Variants in GTF3C5 observed in about 807,000 individuals in gnomAD.
GTF3C5 encodes general transcription factor IIIC subunit 5, also known as general transcription factor 3C polypeptide 5.
Under a neutral mutation model 61.0 loss-of-function variants are expected in GTF3C5, and 47 were observed. That is an observed-to-expected ratio of 0.77 (90% CI 0.61 to 0.98). GTF3C5 has a LOEUF of 0.98. GTF3C5 is among the 50% of genes least tolerant of loss of function. The probability of loss-of-function intolerance (pLI) is 0.00; values close to 1 mark genes in which losing one functional copy is unlikely to be tolerated. For synonymous variants in GTF3C5, 295 were observed against 275.4 expected (o/e 1.07, Z -0.71); for missense variants, 659 against 703.3 (o/e 0.94, Z 0.71).
In GTF3C5 at chr9:133,057,890, T is replaced by TGAG. The variant is rs759048355; in HGVS notation, c.1482_1484dup (p.Glu499dup). On this transcript the variant is annotated inframe_insertion, in exon 11 of 11. Coordinates refer to ENST00000372097, the MANE Select transcript of GTF3C5 (RefSeq NM_012087.4). ...ACGAGTCTGGGGAAGACGAGGAGGA[T>TGAG]GAGGAGGAGGAGGAAGAGGAGGAGG... The TGAG allele has an allele frequency of 8.7e-6, 14 of 1,612,546 alleles. No homozygotes were observed. The African/African-American group carries it at 1.3e-4, about 15-fold the overall frequency.
chr9:133,044,132 G>T, intron 3 of GTF3C5: 11 of 181,962 alleles, frequency 6.0e-5, no homozygotes, highest in Middle Eastern at 1.9e-3. Context: ...GTGACAGAGT[G>T]AGACTTTGTC....
chr9:133,042,404 G>A (rs996503541), intron 2 of GTF3C5, 98 bp downstream of exon 2: 3 of 798,544 alleles, frequency 3.8e-6, no homozygotes, highest in African/African-American at 3.4e-5. Flanking sequence ...AGTGGAGGGG[G>A]CCAGGATATG....
chr9:133,048,928 G>A (rs971131912), intron 3 of GTF3C5, among the ~76,000 whole-genome samples: 1 of 152,196 alleles, frequency 6.6e-6, no homozygotes, highest in South Asian at 2.1e-4. Flanking sequence ...TCACGTTGCT[G>A]GGTGCATGAG....
At chr9:133,051,806 T>C (rs1412336482) in intron 4 of GTF3C5, among the ~76,000 whole-genome samples, 1 of 152,224 alleles carries the variant, frequency 6.6e-6, no homozygotes, top group Non-Finnish European at 1.5e-5. Context: ...ACAGCGACCA[T>C]GTCTCTTATC....
chr9:133,055,594 C>G, intron 8 of GTF3C5: 1 of 985,452 alleles, frequency 1.0e-6, no homozygotes, highest in African/African-American at 1.7e-5. Flanking sequence ...TCACTAAGCC[C>G]TGCTTTTCCC....
At chr9:133,040,274 A>G (rs1380580267) in intron 1 of GTF3C5, among the ~76,000 whole-genome samples, 1 of 152,178 alleles carries the variant, frequency 6.6e-6, no homozygotes, top group Non-Finnish European at 1.5e-5. Context: ...CTCTCCCGAG[A>G]TAGTTCCTGA....
chr9:133,054,184 T>C lies in GTF3C5; in HGVS notation c.989-224T>C, dbSNP rs1228857431. Among the ~76,000 whole-genome samples the C allele has an allele frequency of 3.3e-5, 5 of 152,224 alleles. No individual in the cohort carries two copies. The East Asian group carries it at 9.6e-4, about 29-fold the overall frequency. On this transcript the variant is annotated intron_variant, in intron 6 of 10. Transcript: ENST00000372097. ...CCTCATTAAGTGACTCCACGTGCCC[T>C]ATGGTCCTGTGATGCAGGCCAGGCA... is the stretch of plus-strand genomic sequence containing the variant.
chr9:133,047,525 T>C (rs921810886), intron 3 of GTF3C5, among the ~76,000 whole-genome samples: 8 of 133,388 alleles, frequency 6.0e-5, no homozygotes, highest in African/African-American at 2.5e-4. Context: ...TGATCCTTCC[T>C]TTTTTTTTTT....
At chr9:133,034,170 C>G (rs958565521) in intron 1 of GTF3C5, among the ~76,000 whole-genome samples, 1 of 152,048 alleles carries the variant, frequency 6.6e-6, no homozygotes, top group African/African-American at 2.4e-5. Context: ...TGGAGTGGAG[C>G]GATGGATAAG....
rs1487697661 is a variant in GTF3C5, at chr9:133,056,103, G to A, written c.1250+9G>A. 4.3e-6 allele frequency: 7 copies of A among 1,612,746 alleles called. No homozygotes were observed. In the Admixed American group the frequency reaches 1.0e-4, roughly 23 times the overall value. ...GACTTGAATGTGGAAGAGTACGTAT[G>A]GGAGGGGCCCTGAGACACTGAGGGG... On this transcript the variant is annotated intron_variant, in intron 9 of 10. Coordinates refer to ENST00000372097, the MANE Select transcript of GTF3C5 (RefSeq NM_012087.4).
intron 1 of GTF3C5, among the ~76,000 whole-genome samples, 199 bp from the exon 2 acceptor site, chr9:133,041,888 T>G (rs1183992952): frequency 6.6e-6 from 1 of 152,168 alleles, no homozygotes; most frequent in Non-Finnish European, 1.5e-5. Flanking sequence ...AGGAGACGAT[T>G]CTCATTTTTT....
chr9:133,057,455 C>T (rs1157182449), intron 10 of GTF3C5, among the ~76,000 whole-genome samples: 5 of 152,208 alleles, frequency 3.3e-5, no homozygotes, highest in Non-Finnish European at 5.9e-5. Context: ...GACCCAGCCA[C>T]GCCCCACAGA....
In GTF3C5 at chr9:133,056,095, G is replaced by A. The variant is rs1321889850; in HGVS notation, c.1250+1G>A. 4 of 1,613,500 alleles carry A rather than the reference G, an allele frequency of 2.5e-6. No individual in the cohort carries two copies. Among genetic ancestry groups the A allele is most frequent in the Non-Finnish European group, 8.5e-7 (1 of 1,179,496 alleles). ...AGTTATGCGACTTGAATGTGGAAGA[G>A]TACGTATGGGAGGGGCCCTGAGACA... is the stretch of plus-strand genomic sequence containing the variant. On this transcript the variant is annotated splice_donor_variant, in intron 9 of 10. Transcript: ENST00000372097. LOFTEE classifies it high-confidence loss of function.
At chr9:133,050,106 A>G (rs1850324603) in intron 3 of GTF3C5, among the ~76,000 whole-genome samples, 1 of 151,382 alleles carries the variant, frequency 6.6e-6, no homozygotes, top group South Asian at 2.1e-4. Context: ...TGAGCCAAAG[A>G]GTCATGCTCT....
intron 5 of GTF3C5, among the ~76,000 whole-genome samples, chr9:133,052,558 G>A (rs1048675939): frequency 2.6e-5 from 4 of 152,150 alleles, no homozygotes; most frequent in Non-Finnish European, 5.9e-5. Context: ...TCCTCTACCT[G>A]TGTTGAGTGG....
rs989498919 is a variant in GTF3C5 at position 133,058,147 on chromosome 9, G to A, written c.*167G>A. ...TGCAGCTGACCCTAGCACTGGCTGT[G>A]ACATGCTGCTTGGTGCTGCCTCTGG... On this transcript the variant is annotated 3_prime_UTR_variant, in exon 11 of 11. Transcript: ENST00000372097. 4 of 1,452,214 alleles carry A rather than the reference G, an allele frequency of 2.8e-6. No individual in the cohort carries two copies. The South Asian group carries it at 5.7e-5, about 21-fold the overall frequency. The allele number at this position is 1,452,214 out of a possible 1,614,324, so 90.0% of individuals were successfully genotyped here.
chr9:133,036,175 G>A lies in GTF3C5; in HGVS notation c.153+5011G>A, dbSNP rs146481682. ...GTTTGAAAGGGGTCTCCCTTACATC[G>A]GGCCTGAATCTAAACACTCATGCTC... is the stretch of plus-strand genomic sequence containing the variant. On this transcript the variant is annotated intron_variant, in intron 1 of 10. Transcript: ENST00000372097. Among the ~76,000 whole-genome samples, 21 of 152,224 alleles carry A rather than the reference G, an allele frequency of 1.4e-4. No homozygotes were observed. In the East Asian group the frequency reaches 3.3e-3, roughly 24 times the overall value.
rs777628881 is a variant in GTF3C5 at position 133,053,948 on chromosome 9, A to G, written c.988+6A>G. 6.5e-7 allele frequency: 1 copy of G among 1,550,018 alleles called. No homozygotes were observed. The highest frequency in any genetic ancestry group is 1.1e-5 in the South Asian group (1 of 89,272). On this transcript the variant is annotated splice_donor_region_variant and intron_variant, in intron 6 of 10. Transcript: ENST00000372097. ...CCGTTGTGGAATGAAACACGGTAAA[A>G]ATTCCTGAAAGCTTTGCTTCCTGCC... is the stretch of plus-strand genomic sequence containing the variant.
chr9:133,054,072 ACT>A, intron 6 of GTF3C5, 130 bp downstream of exon 6: 1 of 681,802 alleles, frequency 1.5e-6, no homozygotes, highest in Non-Finnish European at 2.5e-6. Context: ...CGTTGCTGAG[ACT>A]CTTTTGAATG....
Sources: allele counts gnomAD v4.1 joint callset (sites outside exome capture counted in the v4.1 genomes callset), GRCh38; gene constraint gnomAD v4.1.1; transcripts MANE v1.5; gene names NCBI Gene and HGNC (gene_info 2026-07-23, HGNC 2026-07-21).